CDKL3: variants seen among roughly 807,000 people sequenced by gnomAD.
CDKL3 encodes cyclin-dependent kinase-like 3.
Under a neutral mutation model 69.3 loss-of-function variants are expected in CDKL3, and 65 were observed. The ratio of observed to expected loss-of-function variants is 0.94; its 90% CI spans 0.77 to 1.15. The LOEUF (loss-of-function observed/expected upper bound fraction) is 1.15. CDKL3 is among the 50% of genes most tolerant of loss of function. The probability of loss-of-function intolerance (pLI) is 0.00; values close to 1 mark genes in which losing one functional copy is unlikely to be tolerated. For missense variants in CDKL3, 652 were observed against 689.2 expected (o/e 0.95, Z 0.61); for synonymous variants, 202 against 221.6 (o/e 0.91, Z 0.79).
chr5:134,311,926 C>G (rs1233289666), intron 7 of CDKL3, among the ~76,000 whole-genome samples: 1 of 152,138 alleles, frequency 6.6e-6, no homozygotes, highest in Non-Finnish European at 1.5e-5. Flanking sequence ...TCCCGAGTAG[C>G]TGGGACTACA....
In CDKL3 at chr5:134,354,294, C is replaced by T. The variant is rs578214354; in HGVS notation, c.361-3867G>A. The stretch of plus-strand genomic sequence containing the variant: ...TATAGTGCCTAGAACAAAGAGAAGG[C>T]ATTTAAAAATTTTATCAAGTGAATT... On this transcript the variant is annotated intron_variant, in intron 3 of 12. Transcript: ENST00000265334. Among the ~76,000 whole-genome samples the T allele has an allele frequency of 2.0e-4, 30 of 152,280 alleles. No individual in the cohort carries two copies. The South Asian group carries it at 6.2e-3, about 32-fold the overall frequency.
chr5:134,339,011 G>A (rs577886986), intron 4 of CDKL3, among the ~76,000 whole-genome samples: 4 of 151,886 alleles, frequency 2.6e-5, no homozygotes, highest in East Asian at 1.9e-4. Flanking sequence ...AAAATTAGCC[G>A]GGCATAGTGG....
intron 8 of CDKL3, among the ~76,000 whole-genome samples, chr5:134,292,878 A>AT (rs1765178956): frequency 6.6e-6 from 1 of 152,038 alleles, no homozygotes; most frequent in African/African-American, 2.4e-5. Context: ...AAGCAAACAA[A>AT]TGGATACAAG....
chr5:134,316,354 C>T (rs982836213), intron 6 of CDKL3, among the ~76,000 whole-genome samples: 3 of 152,178 alleles, frequency 2.0e-5, no homozygotes, highest in Non-Finnish European at 4.4e-5. Flanking sequence ...AATCCCAGTG[C>T]CTTGGGAGGC....
intron 3 of CDKL3, among the ~76,000 whole-genome samples, chr5:134,356,437 T>C (rs1754635637): frequency 6.6e-6 from 1 of 152,170 alleles, no homozygotes; most frequent in South Asian, 2.1e-4. Flanking sequence ...ACCCCTCCTG[T>C]ATGGCATTGG....
intron 4 of CDKL3, among the ~76,000 whole-genome samples, chr5:134,347,321 A>G (rs929702716): frequency 6.6e-6 from 1 of 152,158 alleles, no homozygotes; most frequent in African/African-American, 2.4e-5. Context: ...TGGTACAAAC[A>G]CTTTGGAATA....
In CDKL3 at chr5:134,298,538, C is replaced by T; in HGVS notation, c.*113G>A. 1.4e-6 allele frequency: 2 copies of T among 1,475,922 alleles called. No homozygotes were observed. The highest frequency in any genetic ancestry group is 2.4e-5 in the East Asian group (1 of 42,104). The allele number at this position is 1,475,922 out of a possible 1,614,324, so 91.4% of individuals were successfully genotyped here. A position where few individuals can be genotyped will look rare whatever the true frequency, so the allele number is the denominator to read the frequency against. On this transcript the variant is annotated 3_prime_UTR_variant, in exon 13 of 13. Transcript: ENST00000265334. ...CTAACAAAAAAAGCTGGATGATGCT[C>T]ATGCACATGGATGGCTGTCTTAACA... is the stretch of plus-strand genomic sequence containing the variant.
chr5:134,371,550 G>A (rs776074817), upstream of CDKL3: 10 of 1,602,516 alleles, frequency 6.2e-6, no homozygotes, highest in South Asian at 3.3e-5. Flanking sequence ...GGGGGGCTGC[G>A]CGGGACTTTT....
At chr5:134,338,734 G>T (rs953967304) in intron 4 of CDKL3, among the ~76,000 whole-genome samples, 2 of 151,404 alleles carry the variant, frequency 1.3e-5, no homozygotes, top group Non-Finnish European at 2.9e-5. Flanking sequence ...AATTATTAAA[G>T]AAATTAAAAT....
intron 2 of CDKL3, among the ~76,000 whole-genome samples, chr5:134,362,671 G>A (rs774798234): frequency 3.3e-5 from 5 of 152,164 alleles, no homozygotes; most frequent in Non-Finnish European, 7.3e-5. Context: ...GCTCACACCT[G>A]TAATCTCAGT....
downstream of CDKL3, among the ~76,000 whole-genome samples, chr5:134,297,369 T>C (rs535421465): frequency 1.3e-5 from 2 of 152,306 alleles, no homozygotes; most frequent in South Asian, 2.1e-4. Context: ...TCTTAGTTGA[T>C]AAAGTGGCAC....
chr5:134,308,420 A>G lies in CDKL3; in HGVS notation c.1082T>C (p.Ile361Thr), dbSNP rs866206350. ...ATCTCCTCTTCCTCCTTTGACTTTA[A>G]TAACTCTGACTTTGATCTCCTTGGG... ...KKPKEIKVRV[I>T]KVKGGRGDIS... Residue 361 changes from isoleucine (I) to threonine (T), a missense_variant, in exon 9 of 13, where the codon ATT (isoleucine) becomes ACT (threonine). Physicochemically the swap from Ile to Thr is moderately conservative, Grantham distance 89. Transcript: ENST00000265334. 1.9e-6 allele frequency: 3 copies of G among 1,613,160 alleles called. No homozygotes were observed. The highest frequency in any genetic ancestry group is 1.7e-5 in the Admixed American group (1 of 59,966).
At chr5:134,294,092 G>C (rs1765242921), downstream of CDKL3, among the ~76,000 whole-genome samples, 1 of 152,118 alleles carries the variant, frequency 6.6e-6, no homozygotes, top group African/African-American at 2.4e-5. Context: ...CTGGGCCACA[G>C]AGTAAGACTC....
At position 134,318,206 on chromosome 5, in the gene CDKL3, C is replaced by G. The variant is rs1040090879; in HGVS notation, c.792+1152G>C. ...TGCACTCCACCCTGGGCAACAAGAG[C>G]AAAACTCCGTCTCAAAAAAAAAACA... On this transcript the variant is annotated intron_variant, in intron 6 of 12. Coordinates refer to ENST00000265334, the MANE Select transcript of CDKL3 (RefSeq NM_001113575.2). Among the ~76,000 whole-genome samples the G allele has an allele frequency of 2.1e-5, 3 of 143,208 alleles. No homozygotes were observed. The East Asian group carries it at 6.2e-4, about 30-fold the overall frequency. 94.0% of individuals were successfully genotyped at this position (143,208 alleles called of 152,430 possible).
upstream of CDKL3, chr5:134,371,557 T>G (rs774907514): frequency 9.1e-6 from 8 of 876,888 alleles, no homozygotes; most frequent in Admixed American, 2.9e-5. Flanking sequence ...TGCGCGGGAC[T>G]TTTTTTTTTT....
intron 6 of CDKL3, among the ~76,000 whole-genome samples, chr5:134,317,905 T>G (rs1771599427): frequency 6.6e-6 from 1 of 151,630 alleles, no homozygotes; most frequent in South Asian, 2.1e-4. Context: ...GAGACCCTGT[T>G]TACAAAAACA....
chr5:134,319,213 C>T (rs926514222), intron 6 of CDKL3, 145 bp downstream of exon 6: 22 of 549,866 alleles, frequency 4.0e-5, no homozygotes, highest in Non-Finnish European at 8.8e-6. Flanking sequence ...TGCCTGTAAT[C>T]CCAACTACTC....
chr5:134,317,939 G>C (rs1771602422), intron 6 of CDKL3, among the ~76,000 whole-genome samples: 1 of 151,928 alleles, frequency 6.6e-6, no homozygotes, highest in South Asian at 2.1e-4. Flanking sequence ...ACAAATAAAG[G>C]CCAGGCACGG....
At chr5:134,340,307 C>T (rs1319035643) in intron 4 of CDKL3, among the ~76,000 whole-genome samples, 1 of 152,094 alleles carries the variant, frequency 6.6e-6, no homozygotes, top group African/African-American at 2.4e-5. Flanking sequence ...AACCTTCCAC[C>T]TTAAGACACT....
Sources: gnomAD v4.1 joint callset for allele counts (sites outside exome capture counted in the v4.1 genomes callset) on GRCh38, gnomAD v4.1.1 for gene constraint, MANE v1.5 for transcripts, NCBI Gene and HGNC (gene_info 2026-07-23, HGNC 2026-07-21) for gene names.